The following SAMMSON variants were observed in gnomAD, a reference collection of about 807,000 sequenced individuals.
SAMMSON encodes long intergenic non-protein coding RNA 1212.
At chr3:70,033,387 T>C (rs2067072492) in intron 3 of SAMMSON, among the ~76,000 whole-genome samples, 3 of 152,102 alleles carry the variant, frequency 2.0e-5, no homozygotes, top group Admixed American at 6.6e-5. Context: ...AGGGATTTGT[T>C]CATGGTGTAT....
intron 7 of SAMMSON, among the ~76,000 whole-genome samples, chr3:70,295,613 G>T (rs889344562): frequency 6.6e-6 from 1 of 152,116 alleles, no homozygotes; most frequent in Non-Finnish European, 1.5e-5. Context: ...GGAGACTTGA[G>T]CCCAAGAGGT....
intron 4 of SAMMSON, among the ~76,000 whole-genome samples, chr3:70,133,881 A>C (rs2067494108): frequency 6.6e-6 from 1 of 152,172 alleles, no homozygotes; most frequent in Non-Finnish European, 1.5e-5. Context: ...CTTTGGGTTC[A>C]GACTGATGTG....
chr3:70,190,558 A>G (rs1024782716), intron 4 of SAMMSON, among the ~76,000 whole-genome samples: 3 of 152,184 alleles, frequency 2.0e-5, no homozygotes, highest in Non-Finnish European at 2.9e-5. Context: ...GATTTGACCT[A>G]ATGTTTTCCA....
At chr3:70,108,172 T>G (rs1346464130) in intron 4 of SAMMSON, among the ~76,000 whole-genome samples, 3 of 152,074 alleles carry the variant, frequency 2.0e-5, no homozygotes, top group African/African-American at 7.2e-5. Flanking sequence ...TCATTTTTTT[T>G]AAGAGCTGTA....
intron 6 of SAMMSON, among the ~76,000 whole-genome samples, chr3:70,251,537 A>G (rs533630482): frequency 7.9e-5 from 12 of 152,310 alleles, no homozygotes; most frequent in African/African-American, 2.6e-4. Context: ...CTCTGGCCTC[A>G]TGATGGTGGA....
chr3:70,061,240 T>A (rs1035594160), intron 3 of SAMMSON, among the ~76,000 whole-genome samples: 10 of 152,010 alleles, frequency 6.6e-5, no homozygotes, highest in African/African-American at 2.4e-4. Context: ...CGACAGGACC[T>A]CCAGTTGGGA....
intron 6 of SAMMSON, among the ~76,000 whole-genome samples, chr3:70,262,739 T>G (rs1701878707): frequency 6.6e-6 from 1 of 152,176 alleles, no homozygotes; most frequent in Non-Finnish European, 1.5e-5. Context: ...TCTGTAAGTT[T>G]ATAGTTTTCA....
intron 8 of SAMMSON, among the ~76,000 whole-genome samples, chr3:70,354,632 GC>G (rs1031686454): frequency 1.5e-4 from 23 of 152,182 alleles, no homozygotes; most frequent in African/African-American, 4.8e-4. Flanking sequence ...CAGCTGCTGA[GC>G]TGGGAACCCA....
intron 6 of SAMMSON, among the ~76,000 whole-genome samples, chr3:70,281,748 A>G (rs1333833477): frequency 6.6e-6 from 1 of 152,138 alleles, no homozygotes. Flanking sequence ...CCGATAGAGA[A>G]TCCCATCCTC....
At chr3:70,185,807 C>CA (rs34529551) in intron 4 of SAMMSON, among the ~76,000 whole-genome samples, 66,683 of 102,942 alleles carry the variant, frequency 0.65, 19,947 homozygotes, top group Non-Finnish European at 0.7. Context: ...CCCGCCTCTA[C>CA]AAAAAAAAAA....
chr3:70,308,501 C>T (rs1047966504), intron 7 of SAMMSON, among the ~76,000 whole-genome samples: 1 of 152,082 alleles, frequency 6.6e-6, no homozygotes, highest in African/African-American at 2.4e-5. Context: ...TGTAACAGCT[C>T]TGGCTGTGGC....
At chr3:70,408,962 T>TAA (rs1701197117) in intron 2 of SAMMSON, among the ~76,000 whole-genome samples, 1 of 152,058 alleles carries the variant, frequency 6.6e-6, no homozygotes, top group Non-Finnish European at 1.5e-5. Flanking sequence ...TCTTACATGG[T>TAA]GGTGGCAAGA....
intron 4 of SAMMSON, among the ~76,000 whole-genome samples, chr3:70,207,942 A>G (rs2106725719): frequency 6.6e-6 from 1 of 152,128 alleles, no homozygotes; most frequent in African/African-American, 2.4e-5. Context: ...GCTGGGCTGT[A>G]TATTGGGGAT....
chr3:70,401,664 G>C (rs372965698), intron 2 of SAMMSON, among the ~76,000 whole-genome samples: 1 of 151,448 alleles, frequency 6.6e-6, no homozygotes, highest in Non-Finnish European at 1.5e-5. Flanking sequence ...AAACATTATT[G>C]AAAGTGTGGT....
At chr3:70,209,579 G>A (rs188019423) in intron 4 of SAMMSON, among the ~76,000 whole-genome samples, 1 of 152,088 alleles carries the variant, frequency 6.6e-6, no homozygotes, top group Non-Finnish European at 1.5e-5. Flanking sequence ...AGTTTATTTA[G>A]GTAAATTGTC....
At chr3:70,414,816 A>G (rs1021298800) in intron 2 of SAMMSON, among the ~76,000 whole-genome samples, 1 of 152,200 alleles carries the variant, frequency 6.6e-6, no homozygotes, top group Non-Finnish European at 1.5e-5. Context: ...TAGTATTAAA[A>G]GATGAAATCA....
At chr3:70,062,204 T>C (rs2067193257) in intron 3 of SAMMSON, among the ~76,000 whole-genome samples, 1 of 151,988 alleles carries the variant, frequency 6.6e-6, no homozygotes, top group Non-Finnish European at 1.5e-5. Flanking sequence ...CAAATAATAA[T>C]ATCGGCATGT....
chr3:70,365,667 A>C (rs1430559073), intron 9 of SAMMSON, among the ~76,000 whole-genome samples: 1 of 151,760 alleles, frequency 6.6e-6, no homozygotes, highest in Non-Finnish European at 1.5e-5. Flanking sequence ...AGAGTTCTGC[A>C]GTTAGGTGTA....
chr3:70,414,953 C>T (rs772204340), intron 2 of SAMMSON, among the ~76,000 whole-genome samples: 5 of 151,692 alleles, frequency 3.3e-5, no homozygotes, highest in Non-Finnish European at 5.9e-5. Flanking sequence ...ACTAAACAAC[C>T]GCAACTTTAT....
Sources: allele counts gnomAD v4.1 joint callset (sites outside exome capture counted in the v4.1 genomes callset), GRCh38; gene constraint gnomAD v4.1.1; transcripts MANE v1.5; gene names NCBI Gene and HGNC (gene_info 2026-07-23, HGNC 2026-07-21).